The following ENTPD6 variants were observed in gnomAD, a reference collection of about 807,000 sequenced individuals.
ENTPD6 encodes ectonucleoside triphosphate diphosphohydrolase 6.
ENTPD6 carries 46 observed loss-of-function variants against 61.5 expected under a neutral mutation model. The ratio of observed to expected loss-of-function variants is 0.75; its 90% CI spans 0.59 to 0.96. The LOEUF (loss-of-function observed/expected upper bound fraction) is 0.96, where lower values mean the gene tolerates loss of function less well. Ranked by LOEUF, ENTPD6 falls within the 40% of genes least tolerant of loss-of-function variation. The pLI is 0.00. For synonymous variants in ENTPD6, 252 were observed against 255.5 expected, an observed-to-expected ratio of 0.99 and a Z score of 0.13; for missense variants, 612 against 629.0, an observed-to-expected ratio of 0.97 and a Z score of 0.29.
At chr20:25,222,311 A>C (rs2092662301) in intron 11 of ENTPD6, 1 of 155,162 alleles carries the variant, frequency 6.4e-6, no homozygotes, top group South Asian at 2.0e-4. Context: ...GGACTGGGAA[A>C]GCCGGGAAGC....
chr20:25,196,294 ACGATTCACC>A lies in ENTPD6; in HGVS notation c.-16+429_-16+437del, dbSNP rs1006181758. 9.6e-6 allele frequency: 9 copies of A among 937,270 alleles called. No homozygotes were observed. The African/African-American group carries it at 1.6e-4, about 16-fold the overall frequency. 58.1% of individuals were successfully genotyped at this position (937,270 alleles called of 1,614,324 possible). On this transcript the variant is annotated intron_variant, in intron 1 of 14. Coordinates refer to ENST00000376652, the MANE Select transcript of ENTPD6 (RefSeq NM_001247.5). The stretch of plus-strand genomic sequence containing the variant: ...CTCGGACAGGACTGAGGGTGTAAGG[ACGATTCACC>A]CTGGCATTGGGGTGGTGTCCCGAGG...
intron 1 of ENTPD6, among the ~76,000 whole-genome samples, chr20:25,205,061 G>A (rs2091349530): frequency 6.6e-6 from 1 of 152,114 alleles, no homozygotes; most frequent in South Asian, 2.1e-4. Context: ...TGTGTCTGGT[G>A]ACGTTATAGA....
intron 4 of ENTPD6, among the ~76,000 whole-genome samples, chr20:25,212,896 G>A (rs942569942): frequency 1.3e-5 from 2 of 152,156 alleles, no homozygotes; most frequent in Non-Finnish European, 2.9e-5. Flanking sequence ...TAGTAGAAAC[G>A]TGGTTTCACC....
chr20:25,209,936 TCTCCCGTGTCTCC>T lies in ENTPD6; in HGVS notation c.453+14_453+26del, dbSNP rs768733518. 2 of 1,603,352 alleles carry T rather than the reference TCTCCCGTGTCTCC, an allele frequency of 1.2e-6. No individual in the cohort carries two copies. Among genetic ancestry groups the T allele is most frequent in the African/African-American group, 2.7e-5 (2 of 74,740 alleles). On this transcript the variant is annotated intron_variant, in intron 4 of 14. Coordinates refer to ENST00000376652, the MANE Select transcript of ENTPD6 (RefSeq NM_001247.5). ...GATGATGTTGAAAAGGTAAGGATCC[TCTCCCGTGTCTCC>T]CTGTTCAACTGCAGAATGTGTTCAA... is the stretch of plus-strand genomic sequence containing the variant.
At chr20:25,209,301 G>T (rs2091776752) in intron 3 of ENTPD6, among the ~76,000 whole-genome samples, 1 of 151,580 alleles carries the variant, frequency 6.6e-6, no homozygotes, top group Non-Finnish European at 1.5e-5. Context: ...TAGTAGAGAT[G>T]GGGTTTCACC....
At chr20:25,224,255 T>TA in intron 13 of ENTPD6, 98 bp downstream of exon 13, 1 of 1,077,744 alleles carries the variant, frequency 9.3e-7, no homozygotes, top group South Asian at 1.6e-5. Flanking sequence ...TAGCCCCTCC[T>TA]AAACAATGGC....
At chr20:25,207,679 T>G (rs1208031607) in intron 3 of ENTPD6, among the ~76,000 whole-genome samples, 1 of 152,188 alleles carries the variant, frequency 6.6e-6, no homozygotes, top group African/African-American at 2.4e-5. Context: ...GCTAGGACCA[T>G]GATTTAGGCC....
chr20:25,209,934 C>G lies in ENTPD6; in HGVS notation c.453+9C>G. ...CTGATGATGTTGAAAAGGTAAGGATCCTCTCCCGTGTCTCCCTGTTCAACT... is the reference window on the plus strand; with the variant it reads ...CTGATGATGTTGAAAAGGTAAGGATGCTCTCCCGTGTCTCCCTGTTCAACT... On this transcript the variant is annotated intron_variant, in intron 4 of 14. Transcript: ENST00000376652. 1 of 1,610,612 alleles carries G rather than the reference C, an allele frequency of 6.2e-7. No individual in the cohort carries two copies. Among genetic ancestry groups the G allele is most frequent in the Non-Finnish European group, 8.5e-7 (1 of 1,176,786 alleles).
At chr20:25,196,080 G>A (rs2090366562) in intron 1 of ENTPD6, 3 of 1,017,286 alleles carry the variant, frequency 2.9e-6, no homozygotes, top group Non-Finnish European at 3.8e-6. Context: ...CAGTGTTTTG[G>A]GCCACAGGGC....
chr20:25,201,964 C>T (rs76153635), intron 1 of ENTPD6, among the ~76,000 whole-genome samples: 3,879 of 152,228 alleles, frequency 0.025, 164 homozygotes, highest in African/African-American at 0.089. Context: ...GATATCCTCT[C>T]GCCTCCGCCT....
chr20:25,204,009 T>C (rs2091263277), intron 1 of ENTPD6, among the ~76,000 whole-genome samples: 1 of 152,242 alleles, frequency 6.6e-6, no homozygotes, highest in Non-Finnish European at 1.5e-5. Context: ...ATGTGTTTTT[T>C]TCAATTTCCC....
chr20:25,197,445 T>C (rs1201101089), intron 1 of ENTPD6, among the ~76,000 whole-genome samples: 1 of 152,164 alleles, frequency 6.6e-6, no homozygotes, highest in Admixed American at 6.5e-5. Flanking sequence ...TACAGCCTCA[T>C]CCCACCCTGT....
At chr20:25,199,974 T>C (rs371831035) in intron 1 of ENTPD6, among the ~76,000 whole-genome samples, 6 of 151,272 alleles carry the variant, frequency 4.0e-5, no homozygotes, top group African/African-American at 1.5e-4. Context: ...TTTAAGATCC[T>C]GATTTCAACT....
rs994469081 is a variant in ENTPD6 at position 25,228,046 on chromosome 20, A to G, written c.*2449A>G. ...ATTTTTTTGTTAATTGTAGATCTTT[A>G]TTTATTAAGGAAATTATCCCATTAT... On this transcript the variant is annotated 3_prime_UTR_variant, in exon 15 of 15. Coordinates refer to ENST00000376652, the MANE Select transcript of ENTPD6 (RefSeq NM_001247.5). Among the ~76,000 whole-genome samples, 1 of 152,022 alleles carries G rather than the reference A, an allele frequency of 6.6e-6. No homozygotes were observed. Among genetic ancestry groups the G allele is most frequent in the African/African-American group, 2.4e-5 (1 of 41,382 alleles).
At chr20:25,224,069 C>G in intron 12 of ENTPD6, 32 bp from the exon 13 acceptor site, 1 of 1,603,900 alleles carries the variant, frequency 6.2e-7, no homozygotes, top group South Asian at 1.1e-5. Context: ...CCTCACAGTG[C>G]TCCTGCAGAC....
rs1600649824 is a variant in ENTPD6, at chr20:25,218,620, T to G, written c.943+6T>G. ...CGGCGTGGAGGGGCAGCCTGGTGAG[T>G]GGACATGTTGCCCCGGGCCCACTTT... On this transcript the variant is annotated splice_donor_region_variant and intron_variant, in intron 10 of 14. Coordinates refer to ENST00000376652, the MANE Select transcript of ENTPD6 (RefSeq NM_001247.5). The G allele has an allele frequency of 6.3e-7, 1 of 1,598,536 alleles. No homozygotes were observed. Among genetic ancestry groups the G allele is most frequent in the South Asian group, 1.1e-5 (1 of 88,460 alleles).
At chr20:25,210,275 T>C (rs1177314450) in intron 4 of ENTPD6, among the ~76,000 whole-genome samples, 1 of 152,230 alleles carries the variant, frequency 6.6e-6, no homozygotes, top group Non-Finnish European at 1.5e-5. Flanking sequence ...AATTTAGTCT[T>C]GTGAATTTTG....
rs2092814658 is a variant in ENTPD6 at position 25,227,362 on chromosome 20, A to AG, written c.*1766dup. On this transcript the variant is annotated 3_prime_UTR_variant, in exon 15 of 15. Transcript: ENST00000376652. ...TAAAGAACTCCGGAGGCTGAGAATC[A>AG]GACGCATGAAGGTAAAGCCAAAATC... Among the ~76,000 whole-genome samples the AG allele has an allele frequency of 6.6e-6, 1 of 152,252 alleles. No homozygotes were observed. Among genetic ancestry groups the AG allele is most frequent in the South Asian group, 2.1e-4 (1 of 4,826 alleles).
At position 25,225,190 on chromosome 20, in the gene ENTPD6, G is replaced by C. The variant is rs142821004; in HGVS notation, c.1244-15G>C. ...GGAGTCACCTGGAGCGTGAAGGGACGTGTCTCATCCCCAGTGTGTCGGACC... is the reference window on the plus strand; with the variant it reads ...GGAGTCACCTGGAGCGTGAAGGGACCTGTCTCATCCCCAGTGTGTCGGACC... On this transcript the variant is annotated splice_polypyrimidine_tract_variant and intron_variant, in intron 13 of 14. Transcript: ENST00000376652. 1 of 1,607,262 alleles carries C rather than the reference G, an allele frequency of 6.2e-7. No homozygotes were observed. Among genetic ancestry groups the C allele is most frequent in the Admixed American group, 1.7e-5 (1 of 59,488 alleles).
Sources: allele counts gnomAD v4.1 joint callset (sites outside exome capture counted in the v4.1 genomes callset), GRCh38; gene constraint gnomAD v4.1.1; transcripts MANE v1.5; gene names NCBI Gene and HGNC (gene_info 2026-07-23, HGNC 2026-07-21).